KLF8: variants seen among roughly 807,000 people sequenced by gnomAD.
KLF8 encodes Krueppel-like factor 8.
KLF8 carries 10 observed loss-of-function variants against 18.2 expected under a neutral mutation model. The observed-to-expected ratio is 0.55, with a 90% CI of 0.34 to 0.93. KLF8 has a LOEUF of 0.93. Ranked by LOEUF, KLF8 falls within the 40% of genes least tolerant of loss-of-function variation. The pLI, the probability that KLF8 is intolerant of heterozygous loss-of-function variation, is 0.02. For synonymous variants in KLF8, 109 were observed against 97.3 expected (o/e 1.12, Z -0.71); for missense variants, 264 against 277.9 (o/e 0.95, Z 0.36).
the KLF8 span, among the ~76,000 whole-genome samples, chrX:56,084,810 A>G: frequency 6.2e-5 from 7 of 112,169 alleles, no homozygotes; most frequent in Non-Finnish European, 1.3e-4. Context: ...AGAACACATG[A>G]AGGAAAAAAA....
At chrX:56,240,605 A>C (rs2066531007) in intron 1 of KLF8, among the ~76,000 whole-genome samples, 1 of 111,672 alleles carries the variant, frequency 9.0e-6, no homozygotes, top group Non-Finnish European at 1.9e-5. Context: ...ATTAGTGGGA[A>C]TCTTTTAATA....
the KLF8 span, among the ~76,000 whole-genome samples, chrX:56,194,223 G>A: frequency 5.6e-4 from 62 of 111,267 alleles, no homozygotes; most frequent in South Asian, 1.2e-3. Flanking sequence ...TTGGACAGAG[G>A]GTACAGCCCA....
the KLF8 span, among the ~76,000 whole-genome samples, chrX:56,067,303 T>C: frequency 9.3e-6 from 1 of 107,931 alleles, no homozygotes. Flanking sequence ...TGAACTCTTG[T>C]AGCCAATAGG....
the KLF8 span, among the ~76,000 whole-genome samples, chrX:56,180,055 C>G: frequency 2.7e-5 from 3 of 111,391 alleles, no homozygotes; most frequent in Middle Eastern, 4.2e-3. Context: ...GGAATAGTTT[C>G]AGAAAGAATG....
At chrX:56,014,385 A>G in the KLF8 span, among the ~76,000 whole-genome samples, 1 of 112,721 alleles carries the variant, frequency 8.9e-6, no homozygotes, top group Non-Finnish European at 1.9e-5. Flanking sequence ...CAAGCTCAAC[A>G]TCACTGATCA....
At chrX:56,053,963 G>C in the KLF8 span, among the ~76,000 whole-genome samples, 1 of 110,552 alleles carries the variant, frequency 9.0e-6, no homozygotes, top group Non-Finnish European at 1.9e-5. Context: ...AACTCCTTGA[G>C]TTAATCTTTT....
chrX:56,158,338 T>C, the KLF8 span, among the ~76,000 whole-genome samples: 1 of 112,003 alleles, frequency 8.9e-6, no homozygotes, highest in Non-Finnish European at 1.9e-5. Context: ...CCTCCAGCTT[T>C]GTTCTTTTGG....
At chrX:56,228,392 T>C (rs1285336292), upstream of KLF8, among the ~76,000 whole-genome samples, 4 of 112,044 alleles carry the variant, frequency 3.6e-5, no homozygotes, top group Non-Finnish European at 7.5e-5. Flanking sequence ...AAAAACACAA[T>C]GTTTGATCCC....
At chrX:56,085,020 TAAG>T in the KLF8 span, among the ~76,000 whole-genome samples, 3 of 111,698 alleles carry the variant, frequency 2.7e-5, no homozygotes, top group Non-Finnish European at 5.6e-5. Context: ...AGAAAATACT[TAAG>T]AAGAAGCCTT....
chrX:56,192,313 T>C, the KLF8 span, among the ~76,000 whole-genome samples: 1 of 111,467 alleles, frequency 9.0e-6, no homozygotes, highest in South Asian at 3.7e-4. Context: ...ATTGATGCAA[T>C]AAATTCAAGA....
At chrX:55,924,585 A>G in the KLF8 span, among the ~76,000 whole-genome samples, 2 of 111,466 alleles carry the variant, frequency 1.8e-5, no homozygotes, top group Non-Finnish European at 3.8e-5. Flanking sequence ...GGCAGTCAAT[A>G]TTTCTTCATG....
chrX:56,156,415 G>C, the KLF8 span, among the ~76,000 whole-genome samples: 2 of 109,792 alleles, frequency 1.8e-5, no homozygotes, highest in African/African-American at 3.3e-5. Flanking sequence ...AGGCCCCAGA[G>C]TATGTTGTTC....
chrX:56,170,414 T>G, the KLF8 span, among the ~76,000 whole-genome samples: 3 of 110,444 alleles, frequency 2.7e-5, no homozygotes, highest in Admixed American at 2.0e-4. Flanking sequence ...ATAGTTACTT[T>G]GACAAAACTC....
At chrX:55,908,561 A>G in the KLF8 span, 1 of 295,621 alleles carries the variant, frequency 3.4e-6, no homozygotes, top group African/African-American at 2.8e-5. Context: ...TTTAGAGTTC[A>G]CCTCCACTCC....
the KLF8 span, among the ~76,000 whole-genome samples, chrX:56,001,585 A>G: frequency 8.9e-6 from 1 of 112,189 alleles, no homozygotes. Context: ...CCGTGGGTAA[A>G]CAAGTAAATC....
chrX:56,037,697 T>A, the KLF8 span, among the ~76,000 whole-genome samples: 2 of 110,598 alleles, frequency 1.8e-5, no homozygotes, highest in African/African-American at 6.6e-5. Flanking sequence ...GTTTACATAG[T>A]AGGTGTATAT....
the KLF8 span, among the ~76,000 whole-genome samples, chrX:56,211,054 A>G: frequency 2.7e-5 from 3 of 111,006 alleles, no homozygotes; most frequent in Admixed American, 2.9e-4. Flanking sequence ...GTTCATTTGG[A>G]GAAGTTATGT....
chrX:56,094,924 T>C, the KLF8 span, among the ~76,000 whole-genome samples: 68 of 111,417 alleles, frequency 6.1e-4, no homozygotes, highest in Non-Finnish European at 1.1e-3. Context: ...AAAATGATCA[T>C]GCTGCCCAAA....
At chrX:56,253,725 G>A (rs948746452) in intron 2 of KLF8, among the ~76,000 whole-genome samples, 28 of 84,949 alleles carry the variant, frequency 3.3e-4, no homozygotes, top group Admixed American at 5.9e-4. Context: ...TTCGGATTTC[G>A]TTTTTCTATT....
Sources: gnomAD v4.1 joint callset for allele counts (sites outside exome capture counted in the v4.1 genomes callset) on GRCh38, gnomAD v4.1.1 for gene constraint, MANE v1.5 for transcripts, NCBI Gene and HGNC (gene_info 2026-07-23, HGNC 2026-07-21) for gene names.